Variants in KIRREL3 observed in about 807,000 individuals in gnomAD.
KIRREL3 encodes the protein kin of IRRE-like protein 3.
KIRREL3 carries 36 observed loss-of-function variants against 89.7 expected under a neutral mutation model. That is an observed-to-expected ratio of 0.40 (90% CI 0.31 to 0.53). KIRREL3 has a LOEUF of 0.53. KIRREL3 is among the 20% of genes least tolerant of loss of function. The pLI, the probability that KIRREL3 is intolerant of heterozygous loss-of-function variation, is 0.49. For missense variants in KIRREL3, 864 were observed against 1,056.6 expected (o/e 0.82, Z 2.53); for synonymous variants, 445 against 441.4 (o/e 1.01, Z -0.10).
chr11:126,975,107 GC>G (rs1212131498), intron 1 of KIRREL3, among the ~76,000 whole-genome samples: 1 of 152,048 alleles, frequency 6.6e-6, no homozygotes, highest in Non-Finnish European at 1.5e-5. Flanking sequence ...ACTGCGCCTG[GC>G]CTCAAAACAC....
At chr11:126,437,292 A>G (rs1389280713) in intron 11 of KIRREL3, among the ~76,000 whole-genome samples, 1 of 152,054 alleles carries the variant, frequency 6.6e-6, no homozygotes, top group East Asian at 1.9e-4. Flanking sequence ...AACACATCAC[A>G]CGTCTATACA....
At chr11:126,878,051 T>C (rs572255359) in intron 1 of KIRREL3, among the ~76,000 whole-genome samples, 1 of 152,224 alleles carries the variant, frequency 6.6e-6, no homozygotes, top group East Asian at 1.9e-4. Context: ...TAACTCAGTG[T>C]TTTTCAATTC....
intron 1 of KIRREL3, among the ~76,000 whole-genome samples, chr11:126,597,765 G>A (rs1422749209): frequency 6.6e-6 from 1 of 152,190 alleles, no homozygotes; most frequent in Non-Finnish European, 1.5e-5. Flanking sequence ...GGCAGAATGT[G>A]GCAACTTACC....
At chr11:126,584,589 C>T (rs1941726378) in intron 1 of KIRREL3, among the ~76,000 whole-genome samples, 1 of 152,210 alleles carries the variant, frequency 6.6e-6, no homozygotes, top group African/African-American at 2.4e-5. Flanking sequence ...TTCTCAATGT[C>T]CCATGTGGGC....
At chr11:126,856,967 C>T (rs1196392770) in intron 1 of KIRREL3, among the ~76,000 whole-genome samples, 2 of 152,074 alleles carry the variant, frequency 1.3e-5, no homozygotes, top group African/African-American at 4.8e-5. Context: ...TCTTACCTAA[C>T]ATTATAGCAT....
In KIRREL3 at chr11:126,490,246, G is replaced by C. The variant is rs1037468251; in HGVS notation, c.434-16780C>G. Among the ~76,000 whole-genome samples the C allele has an allele frequency of 6.6e-6, 1 of 151,614 alleles. No homozygotes were observed. The highest frequency in any genetic ancestry group is 1.5e-5 in the Non-Finnish European group (1 of 67,892). On this transcript the variant is annotated intron_variant, in intron 4 of 16. Transcript: ENST00000525144. This position sits in a 1 kb window ranked among gnomAD's most constrained non-coding sequence, Gnocchi z 4.2. ...TGTGTGTGTGGCGGGGGCGGGGGAG[G>C]CAAGGCAGCTTTACTTTCTGTGTAT...
At position 126,609,445 on chromosome 11, in the gene KIRREL3, A is replaced by T. The variant is rs999277810; in HGVS notation, c.56-46533T>A. Among the ~76,000 whole-genome samples, 1 of 152,142 alleles carries T rather than the reference A, an allele frequency of 6.6e-6. No homozygotes were observed. The highest frequency in any genetic ancestry group is 1.5e-5 in the Non-Finnish European group (1 of 68,032). On this transcript the variant is annotated intron_variant, in intron 1 of 16. Transcript: ENST00000525144. This position sits in a 1 kb window ranked among gnomAD's most constrained non-coding sequence, Gnocchi z 5.0. ...TTATTCCTGCCTCGGGACATGTATG[A>T]GGACGGTCTCCTTTGCAGCCTACCT...
rs376102622 is a variant in KIRREL3, at chr11:126,722,261, C to A, written c.56-159349G>T. 1.2e-4 allele frequency among the ~76,000 whole-genome samples: 19 copies of A among 152,360 alleles called. No individual in the cohort carries two copies. In the East Asian group the frequency reaches 1.9e-3, roughly 15 times the overall value. ...CCCCCAGGGGTCTGGACTAGCTGTT[C>A]CCTCTTCCCAAAAGGCCCTTCTCCT... On this transcript the variant is annotated intron_variant, in intron 1 of 16. Coordinates refer to ENST00000525144, the MANE Select transcript of KIRREL3 (RefSeq NM_032531.4).
intron 1 of KIRREL3, among the ~76,000 whole-genome samples, chr11:126,707,207 A>T (rs1195202194): frequency 2.7e-5 from 4 of 149,334 alleles, no homozygotes; most frequent in African/African-American, 9.9e-5. Flanking sequence ...CAGCCTCTCA[A>T]AGTGTTTGGA....
rs1007241530 is a variant in KIRREL3 at position 126,611,877 on chromosome 11, C to T, written c.56-48965G>A. 1.2e-4 allele frequency among the ~76,000 whole-genome samples: 18 copies of T among 152,304 alleles called. No homozygotes were observed. Among genetic ancestry groups the T allele is most frequent in the Middle Eastern group, 3.4e-3 (1 of 294 alleles). ...CTTAATCAACTGTAGGTGCTACTGT[C>T]GCTCTAGGACCTGCCGATGCCCTCT... On this transcript the variant is annotated intron_variant, in intron 1 of 16. Coordinates refer to ENST00000525144, the MANE Select transcript of KIRREL3 (RefSeq NM_032531.4). This position sits in a 1 kb window ranked among gnomAD's most constrained non-coding sequence, Gnocchi z 4.7.
chr11:126,597,919 C>T (rs1942476513), intron 1 of KIRREL3, among the ~76,000 whole-genome samples: 1 of 152,218 alleles, frequency 6.6e-6, no homozygotes, highest in African/African-American at 2.4e-5. Context: ...ACAGCAGCCA[C>T]TTAAGTCACC....
rs1437710756 is a variant in KIRREL3, at chr11:126,860,132, GGGA to G, written c.55+140320_55+140322del. On this transcript the variant is annotated intron_variant, in intron 1 of 16. Coordinates refer to ENST00000525144, the MANE Select transcript of KIRREL3 (RefSeq NM_032531.4). This position sits in a 1 kb window ranked among gnomAD's most constrained non-coding sequence, Gnocchi z 4.6. ...AGTAAGGAGGATAAGGAGAGAAAGA[GGGA>G]GGATGATATTGGAATTAATTTCAAT... is the stretch of plus-strand genomic sequence containing the variant. 6.6e-6 allele frequency among the ~76,000 whole-genome samples: 1 copy of G among 152,172 alleles called. No individual in the cohort carries two copies. Among genetic ancestry groups the G allele is most frequent in the Non-Finnish European group, 1.5e-5 (1 of 68,032 alleles).
In KIRREL3 at chr11:126,748,308, G is replaced by A. The variant is rs1264508979; in HGVS notation, c.56-185396C>T. Among the ~76,000 whole-genome samples, 1 of 152,136 alleles carries A rather than the reference G, an allele frequency of 6.6e-6. No individual in the cohort carries two copies. Among genetic ancestry groups the A allele is most frequent in the Non-Finnish European group, 1.5e-5 (1 of 68,024 alleles). ...CGGCAGAAGACAGTGTAAGCCCCAGGAAACTGTGACAGCAATAAAAGAACT... is the reference window on the plus strand; with the variant it reads ...CGGCAGAAGACAGTGTAAGCCCCAGAAAACTGTGACAGCAATAAAAGAACT... On this transcript the variant is annotated intron_variant, in intron 1 of 16. Transcript: ENST00000525144. The surrounding 1 kb of genome is among the most constrained non-coding windows in gnomAD (Gnocchi z 4.6).
At chr11:126,665,090 T>A (rs966393079) in intron 1 of KIRREL3, among the ~76,000 whole-genome samples, 3 of 152,224 alleles carry the variant, frequency 2.0e-5, no homozygotes, top group African/African-American at 7.2e-5. Flanking sequence ...TCCTTATAAA[T>A]TTTTTAAAAA....
At position 126,723,053 on chromosome 11, in the gene KIRREL3, T is replaced by C. The variant is rs1319485295; in HGVS notation, c.56-160141A>G. 1.3e-5 allele frequency among the ~76,000 whole-genome samples: 2 copies of C among 152,240 alleles called. No individual in the cohort carries two copies. The highest frequency in any genetic ancestry group is 4.8e-5 in the African/African-American group (2 of 41,462). ...TATTCCTCTTACAGTCTTCTGTGGC[T>C]GCACATAGTGTACGGTAGGTATTGC... On this transcript the variant is annotated intron_variant, in intron 1 of 16. Coordinates refer to ENST00000525144, the MANE Select transcript of KIRREL3 (RefSeq NM_032531.4). This position sits in a 1 kb window ranked among gnomAD's most constrained non-coding sequence, Gnocchi z 4.0.
chr11:126,510,229 C>T (rs1322735188), intron 4 of KIRREL3, among the ~76,000 whole-genome samples: 1 of 152,072 alleles, frequency 6.6e-6, no homozygotes, highest in Non-Finnish European at 1.5e-5. Context: ...CCCATGACTT[C>T]ACTCAGCTCC....
chr11:126,438,265 T>C (rs1955436040), intron 11 of KIRREL3, among the ~76,000 whole-genome samples: 1 of 152,252 alleles, frequency 6.6e-6, no homozygotes, highest in Admixed American at 6.5e-5. Flanking sequence ...GCGATCACCT[T>C]CGTCTGCCTT....
intron 4 of KIRREL3, among the ~76,000 whole-genome samples, chr11:126,517,947 G>A (rs1053695378): frequency 4.6e-5 from 7 of 152,170 alleles, no homozygotes; most frequent in African/African-American, 1.7e-4. Context: ...GTGAAAAGAC[G>A]CCTGTCTTGA....
At position 126,686,376 on chromosome 11, in the gene KIRREL3, C is replaced by T. The variant is rs1946665840; in HGVS notation, c.56-123464G>A. 6.6e-6 allele frequency among the ~76,000 whole-genome samples: 1 copy of T among 152,078 alleles called. No individual in the cohort carries two copies. The highest frequency in any genetic ancestry group is 6.5e-5 in the Admixed American group (1 of 15,276). ...TTTATGGACCATTCTAGGAACTGTG[C>T]TTGGTGATGAGCTGCAGAGACAGAA... On this transcript the variant is annotated intron_variant, in intron 1 of 16. Coordinates refer to ENST00000525144, the MANE Select transcript of KIRREL3 (RefSeq NM_032531.4). This position sits in a 1 kb window ranked among gnomAD's most constrained non-coding sequence, Gnocchi z 4.7.
Sources: allele counts gnomAD v4.1 joint callset (sites outside exome capture counted in the v4.1 genomes callset), GRCh38; gene constraint gnomAD v4.1.1; non-coding constraint Gnocchi (gnomAD v3.1); transcripts MANE v1.5; gene names NCBI Gene and HGNC (gene_info 2026-07-23, HGNC 2026-07-21).